The following SNRPN variants were observed in gnomAD, a reference collection of about 807,000 sequenced individuals.
SNRPN encodes small nuclear ribonucleoprotein-associated protein N.
In SNRPN, 7 loss-of-function variants were observed where a neutral mutation model predicts 25.2. The ratio of observed to expected loss-of-function variants is 0.28; its 90% CI spans 0.16 to 0.52. The LOEUF is 0.52. Ranked by LOEUF, SNRPN falls within the 20% of genes least tolerant of loss-of-function variation. The pLI, the probability that SNRPN is intolerant of heterozygous loss-of-function variation, is 0.96. For missense variants in SNRPN, 196 were observed against 322.5 expected (o/e 0.61, Z 3.00); for synonymous variants, 124 against 110.6 (o/e 1.12, Z -0.76).
chr15:24,881,526 C>T (rs1390067122), intron 1 of SNRPN, among the ~76,000 whole-genome samples: 9 of 72,506 alleles, frequency 1.2e-4, no homozygotes, highest in Non-Finnish European at 2.3e-4. Flanking sequence ...AGCGAAACTC[C>T]GAGAGAGAGA....
chr15:24,977,112 T>C (rs1371088968), intron 7 of SNRPN, 83 bp downstream of exon 7: 7 of 1,122,862 alleles, frequency 6.2e-6, no homozygotes, highest in Non-Finnish European at 7.5e-6. Flanking sequence ...CCTAAGTGTA[T>C]GTGTCATACA....
intron 4 of SNRPN, chr15:24,975,088 C>T: frequency 1.5e-6 from 1 of 649,412 alleles, no homozygotes; most frequent in Non-Finnish European, 2.8e-6. Context: ...GGGGAGTGGA[C>T]AGTTTAGAGC....
At chr15:24,925,682 G>A (rs1422728841) in intron 3 of SNRPN, among the ~76,000 whole-genome samples, 2 of 151,752 alleles carry the variant, frequency 1.3e-5, no homozygotes, top group African/African-American at 4.8e-5. Flanking sequence ...ATCTCCAAGC[G>A]ATCCTCCCAT....
At chr15:24,948,564 T>C (rs2062026569) in intron 3 of SNRPN, among the ~76,000 whole-genome samples, 1 of 152,124 alleles carries the variant, frequency 6.6e-6, no homozygotes, top group African/African-American at 2.4e-5. Context: ...TATCCAGATG[T>C]CTTTGGTTTT....
chr15:24,835,050 A>ATTT (rs1483496836), intron 2 of SNRPN, among the ~76,000 whole-genome samples: 1 of 44,234 alleles, frequency 2.3e-5, no homozygotes, highest in Non-Finnish European at 4.2e-5. Context: ...ATATCTATAT[A>ATTT]TAAAAATATA....
chr15:24,969,551 C>T (rs529701172), intron 3 of SNRPN, among the ~76,000 whole-genome samples: 69 of 152,194 alleles, frequency 4.5e-4, no homozygotes, highest in Non-Finnish European at 7.2e-4. Flanking sequence ...TTGTCCAAAG[C>T]TTTTCCCTTG....
At chr15:24,909,718 G>A (rs1463344538) in intron 2 of SNRPN, 2 of 1,242,470 alleles carry the variant, frequency 1.6e-6, no homozygotes, top group South Asian at 2.4e-5. Flanking sequence ...GTATCACCAA[G>A]CGTTTCCGAG....
At position 24,870,187 on chromosome 15, in the gene SNRPN, C is replaced by G. The variant is rs1359631111; in HGVS notation, c.-579+13471C>G. 2.6e-5 allele frequency among the ~76,000 whole-genome samples: 4 copies of G among 152,164 alleles called. No homozygotes were observed. In the East Asian group the frequency reaches 7.7e-4, roughly 29 times the overall value. ...CCAGGCCAATTGTGTTTATTTCGTG[C>G]CCAAGCCTGGTACCCATCATTTCTT... On this transcript the variant is annotated intron_variant, in intron 1 of 11. Coordinates refer to the SNRPN transcript ENST00000400097.
Position 24,968,924 on chromosome 15 carries a change from C to T in SNRPN, c.-144+842C>T, listed in dbSNP as rs1031443415. On this transcript the variant is annotated intron_variant, in intron 3 of 9. Coordinates refer to ENST00000390687, the MANE Select transcript of SNRPN (RefSeq NM_003097.6). ...ATTTTGATTTGTTTTCTTGTTTTTC[C>T]TCTGTGATTTTTCTTTTTTTCTACT... 16 of 151,786 alleles carry T rather than the reference C, an allele frequency of 1.1e-4. No homozygotes were observed. In the East Asian group the frequency reaches 3.1e-3, roughly 29 times the overall value. The allele number at this position is 151,786 out of a possible 1,614,324, so 9.4% of individuals were successfully genotyped here. A position where few individuals can be genotyped will look rare whatever the true frequency, so the allele number is the denominator to read the frequency against.
chr15:24,968,212 A>G, intron 3 of SNRPN, 130 bp downstream of exon 3: 2 of 610,288 alleles, frequency 3.3e-6, no homozygotes, highest in East Asian at 2.9e-5. Flanking sequence ...CATTGCAGAA[A>G]GTTTTAGAAA....
intron 3 of SNRPN, among the ~76,000 whole-genome samples, chr15:24,923,024 GA>G (rs1383411389): frequency 6.8e-6 from 1 of 147,892 alleles, no homozygotes; most frequent in Non-Finnish European, 1.5e-5. Flanking sequence ...TCCTGCCTCA[GA>G]CCCCCATGTA....
chr15:24,978,598 T>A lies in SNRPN; in HGVS notation c.*154T>A. On this transcript the variant is annotated 3_prime_UTR_variant, in exon 10 of 10. Transcript: ENST00000390687. ...TTAAACTGTGAGGTACTGTTGTATA[T>A]ATTTTTTTGCCTGTTGATTTTGATG... is the stretch of plus-strand genomic sequence containing the variant. The A allele has an allele frequency of 1.3e-6, 1 of 741,142 alleles. No homozygotes were observed. The highest frequency in any genetic ancestry group is 2.3e-6 in the Non-Finnish European group (1 of 439,962). 45.9% of individuals were successfully genotyped at this position (741,142 alleles called of 1,614,324 possible). A position where few individuals can be genotyped will look rare whatever the true frequency, so the allele number is the denominator to read the frequency against.
intron 2 of SNRPN, among the ~76,000 whole-genome samples, chr15:24,896,334 C>T (rs2058077935): frequency 1.3e-5 from 2 of 152,100 alleles, no homozygotes; most frequent in South Asian, 2.1e-4. Context: ...CAAAGGATAT[C>T]GTTACTGTGT....
At chr15:24,848,213 G>GGGGGGCGGGGGCGGCGGCGGCGGC (rs1566821287) in intron 2 of SNRPN, 1 of 110,888 alleles carries the variant, frequency 9.0e-6, no homozygotes, top group African/African-American at 3.1e-5. Context: ...GGACGGAGCT[G>GGGGGGCGGGGGCGGCGGCGGCGGC]GGGGGCGGGG....
At chr15:24,938,567 G>C (rs144566730) in intron 3 of SNRPN, among the ~76,000 whole-genome samples, 158 of 152,334 alleles carry the variant, frequency 1.0e-3, no homozygotes, top group African/African-American at 3.6e-3. Flanking sequence ...GAGCCACCAT[G>C]CCTGGCCAAT....
At chr15:24,892,619 C>T (rs184849372) in intron 2 of SNRPN, among the ~76,000 whole-genome samples, 1,482 of 98,274 alleles carry the variant, frequency 0.015, 29 homozygotes, top group African/African-American at 0.063. Context: ...TGCCTGTAAT[C>T]CCAGCTACTC....
intron 2 of SNRPN, among the ~76,000 whole-genome samples, chr15:24,846,154 T>C (rs2052176429): frequency 6.6e-6 from 1 of 152,212 alleles, no homozygotes; most frequent in Non-Finnish European, 1.5e-5. Context: ...TTTATATTTA[T>C]TTAGATTTTT....
At chr15:24,870,542 A>T (rs1034006408) in intron 1 of SNRPN, among the ~76,000 whole-genome samples, 2 of 152,150 alleles carry the variant, frequency 1.3e-5, no homozygotes, top group Non-Finnish European at 2.9e-5. Context: ...TTGTTAACTT[A>T]ATCACCAAGT....
intron 2 of SNRPN, among the ~76,000 whole-genome samples, chr15:24,900,739 T>G (rs2058391220): frequency 6.6e-6 from 1 of 152,162 alleles, no homozygotes; most frequent in South Asian, 2.1e-4. Flanking sequence ...GCCGTTATAC[T>G]AAGGAGGACA....
Sources: gnomAD v4.1 joint callset for allele counts (sites outside exome capture counted in the v4.1 genomes callset) on GRCh38, gnomAD v4.1.1 for gene constraint, MANE v1.5 for transcripts, NCBI Gene and HGNC (gene_info 2026-07-23, HGNC 2026-07-21) for gene names.